PCDHGA3: variants seen among roughly 807,000 people sequenced by gnomAD.
PCDHGA3 encodes protocadherin gamma-A3.
In PCDHGA3, 40 loss-of-function variants were observed where a neutral mutation model predicts 58.5. That is an observed-to-expected ratio of 0.68 (90% CI 0.53 to 0.89). The LOEUF is 0.89. Among genes scored for constraint, PCDHGA3 ranks in the 40% least tolerant of loss-of-function variants. The pLI, the probability that PCDHGA3 is intolerant of heterozygous loss-of-function variation, is 0.00. For missense variants in PCDHGA3, 1,223 were observed against 1,195.9 expected, an observed-to-expected ratio of 1.02 and a Z score of -0.33; for synonymous variants, 530 against 525.7, an observed-to-expected ratio of 1.01 and a Z score of -0.11.
Position 141,486,585 on chromosome 5 carries a change from G to A in PCDHGA3, c.2425-8222G>A. The A allele has an allele frequency of 6.2e-7, 1 of 1,613,708 alleles. No individual in the cohort carries two copies. The highest frequency in any genetic ancestry group is 1.1e-5 in the South Asian group (1 of 91,080). ...TTTGTTCCTGAGAACAATCGCCCAG[G>A]GGACCTGCTTTGCTCCCTTGCAGCC... On this transcript the variant is annotated intron_variant, in intron 1 of 3. Transcript: ENST00000253812. The surrounding 1 kb of genome is among the most constrained non-coding windows in gnomAD (Gnocchi z 5.0).
chr5:141,416,532 A>T (rs3806830), intron 1 of PCDHGA3: 1 of 152,142 alleles, frequency 6.6e-6, no homozygotes, highest in Non-Finnish European at 1.5e-5. Context: ...TCTTTAATGT[A>T]TAAGGAGGCA....
intron 1 of PCDHGA3, chr5:141,426,849 G>A (rs749455878): frequency 2.4e-5 from 11 of 456,660 alleles, no homozygotes; most frequent in South Asian, 1.7e-4. Flanking sequence ...AGGCAAGAAC[G>A]CTCCAGAATT....
chr5:141,433,001 G>A (rs1361701281), intron 1 of PCDHGA3: 39 of 1,614,156 alleles, frequency 2.4e-5, no homozygotes, highest in Non-Finnish European at 3.1e-5. Context: ...CGGGGTGCAG[G>A]CTTTCCTGCA....
intron 1 of PCDHGA3, chr5:141,419,774 C>T (rs2096431329): frequency 6.2e-7 from 1 of 1,613,902 alleles, no homozygotes; most frequent in Admixed American, 1.7e-5. Flanking sequence ...GGACTCGGTC[C>T]GCCAGCGCCT....
intron 1 of PCDHGA3, chr5:141,417,860 A>G (rs1168739756): frequency 7.7e-6 from 12 of 1,549,390 alleles, no homozygotes; most frequent in African/African-American, 1.4e-5. Flanking sequence ...CGAGCGAACG[A>G]TGGGAGGGAG....
In PCDHGA3 at chr5:141,491,149, G is replaced by T; in HGVS notation, c.2425-3658G>T. 6.8e-6 allele frequency: 11 copies of T among 1,614,152 alleles called. No homozygotes were observed. The highest frequency in any genetic ancestry group is 9.3e-6 in the Non-Finnish European group (11 of 1,180,010). On this transcript the variant is annotated intron_variant, in intron 1 of 3. Transcript: ENST00000253812. This position sits in a 1 kb window ranked among gnomAD's most constrained non-coding sequence, Gnocchi z 6.9. ...GCGCACAGCCCGGGCCTTACTGGAGGATGACTCTGACACCCAGCAGGTGGT... is the reference window on the plus strand; with the variant it reads ...GCGCACAGCCCGGGCCTTACTGGAGTATGACTCTGACACCCAGCAGGTGGT...
Position 141,345,965 on chromosome 5 carries a change from G to A in PCDHGA3, c.1932G>A (p.Val644=). 1.2e-6 allele frequency: 2 copies of A among 1,613,540 alleles called. No individual in the cohort carries two copies. Among genetic ancestry groups the A allele is most frequent in the South Asian group, 2.2e-5 (2 of 91,036 alleles). ...ACGCGCTCAAGCAGAGCCTCGTGGT[G>A]GCCGTCCAGGACCACGGCCAGCCCC... ...DRDALKQSLV[V]AVQDHGQPPL... Residue 644 remains valine, a synonymous_variant, in exon 1 of 4, where the codon GTG becomes GTA. Coordinates refer to ENST00000253812, the MANE Select transcript of PCDHGA3 (RefSeq NM_018916.4).
intron 1 of PCDHGA3, chr5:141,396,533 T>A (rs942972836): frequency 2.0e-5 from 3 of 151,264 alleles, no homozygotes; most frequent in African/African-American, 7.3e-5. Flanking sequence ...GGCAGAAGAA[T>A]CACTTGAACC....
chr5:141,389,118 C>A (rs2091610213), intron 1 of PCDHGA3: 1 of 1,613,888 alleles, frequency 6.2e-7, no homozygotes, highest in Admixed American at 1.7e-5. Context: ...AGACCGCGAG[C>A]AGAATCCAGA....
chr5:141,345,890 G>T lies in PCDHGA3; in HGVS notation c.1857G>T (p.Val619=), dbSNP rs532588683. The change falls in exon 1 of 4, where the codon GTG becomes GTT. Residue 619 remains valine, a synonymous_variant. Coordinates refer to ENST00000253812, the MANE Select transcript of PCDHGA3 (RefSeq NM_018916.4). ...LKASEPGLFS[V]GLHTGEVRTA... ...CCAGCGAGCCGGGACTCTTCTCGGTGGGTCTGCACACGGGCGAGGTGCGCA... is the reference window on the plus strand; with the variant it reads ...CCAGCGAGCCGGGACTCTTCTCGGTTGGTCTGCACACGGGCGAGGTGCGCA... The T allele has an allele frequency of 1.2e-6, 2 of 1,613,352 alleles. No homozygotes were observed. Among genetic ancestry groups the T allele is most frequent in the Non-Finnish European group, 1.7e-6 (2 of 1,179,864 alleles).
Position 141,429,441 on chromosome 5 carries a change from T to C in PCDHGA3, c.2425-65366T>C, listed in dbSNP as rs541676798. On this transcript the variant is annotated intron_variant, in intron 1 of 3. Transcript: ENST00000253812. ...TGTTGCCCAGGCTGGACTCAAACTCTTGGGCTACAGTAATCCTCCCACCTC... is the reference window on the plus strand; with the variant it reads ...TGTTGCCCAGGCTGGACTCAAACTCCTGGGCTACAGTAATCCTCCCACCTC... 1.5e-4 allele frequency among the ~76,000 whole-genome samples: 23 copies of C among 152,170 alleles called. No individual in the cohort carries two copies. The South Asian group carries it at 4.6e-3, about 30-fold the overall frequency.
chr5:141,355,305 GT>G (rs775367993), intron 1 of PCDHGA3: 5 of 1,613,846 alleles, frequency 3.1e-6, no homozygotes, highest in Non-Finnish European at 3.4e-6. Context: ...TCTACTCGGT[GT>G]TTGAGGAGCA....
chr5:141,362,338 C>T lies in PCDHGA3; in HGVS notation c.2424+15881C>T, dbSNP rs760109365. ...TTTTCAGCCTGGTCTCAGCTCCAAG[C>T]CTGGACCTGGGGTTCTCCCCAATTA... On this transcript the variant is annotated intron_variant, in intron 1 of 3. Coordinates refer to ENST00000253812, the MANE Select transcript of PCDHGA3 (RefSeq NM_018916.4). The T allele has an allele frequency of 9.3e-6, 15 of 1,614,070 alleles. No homozygotes were observed. In the South Asian group the frequency reaches 1.6e-4, roughly 18 times the overall value.
chr5:141,365,825 G>C (rs772088278), intron 1 of PCDHGA3: 1 of 1,613,942 alleles, frequency 6.2e-7, no homozygotes, highest in African/African-American at 1.3e-5. Flanking sequence ...ATTTCAGGGG[G>C]CGCCCTTGTC....
intron 1 of PCDHGA3, among the ~76,000 whole-genome samples, chr5:141,466,183 T>G (rs145148468): frequency 2.0e-5 from 3 of 152,138 alleles, no homozygotes; most frequent in Middle Eastern, 3.4e-3. Flanking sequence ...TATTTTTATT[T>G]TTTTTCAGAC....
At chr5:141,386,663 G>A (rs532080624) in intron 1 of PCDHGA3, among the ~76,000 whole-genome samples, 7 of 151,932 alleles carry the variant, frequency 4.6e-5, no homozygotes, top group Non-Finnish European at 1.0e-4. Flanking sequence ...GTTCTGCAGT[G>A]TTCACATTTC....
Position 141,383,339 on chromosome 5 carries a change from C to T in PCDHGA3, c.2424+36882C>T, listed in dbSNP as rs1244023518. ...AATGTAAAAATAATGGAGAATACAG[C>T]TCCTGGGGTTCGGTTTCCGTTAAGC... On this transcript the variant is annotated intron_variant, in intron 1 of 3. Transcript: ENST00000253812. The T allele has an allele frequency of 3.7e-6, 6 of 1,614,014 alleles. No homozygotes were observed. The highest frequency in any genetic ancestry group is 3.3e-5 in the Admixed American group (2 of 60,036).
Position 141,431,587 on chromosome 5 carries a change from A to C in PCDHGA3, c.2425-63220A>C. On this transcript the variant is annotated intron_variant, in intron 1 of 3. Coordinates refer to ENST00000253812, the MANE Select transcript of PCDHGA3 (RefSeq NM_018916.4). This position sits in a 1 kb window ranked among gnomAD's most constrained non-coding sequence, Gnocchi z 4.8. ...ACCCTGACGAAGGAGTCAATGCGGA[A>C]GTGAGGTATTCCTTCCGGTATGTGG... The C allele has an allele frequency of 1.2e-6, 2 of 1,614,236 alleles. No homozygotes were observed. Among genetic ancestry groups the C allele is most frequent in the Non-Finnish European group, 1.7e-6 (2 of 1,180,036 alleles).
intron 1 of PCDHGA3, among the ~76,000 whole-genome samples, chr5:141,347,541 C>T (rs529535883): frequency 3.3e-5 from 5 of 152,000 alleles, no homozygotes; most frequent in African/African-American, 1.2e-4. Flanking sequence ...AATCCCAGCA[C>T]TTTGGGAGGC....
Sources: allele counts gnomAD v4.1 joint callset (sites outside exome capture counted in the v4.1 genomes callset), GRCh38; gene constraint gnomAD v4.1.1; non-coding constraint Gnocchi (gnomAD v3.1); transcripts MANE v1.5; gene names NCBI Gene and HGNC (gene_info 2026-07-23, HGNC 2026-07-21).